SPTBN1: variants seen among roughly 807,000 people sequenced by gnomAD.
SPTBN1 encodes the protein spectrin beta chain, non-erythrocytic 1.
Under a neutral mutation model 266.4 loss-of-function variants are expected in SPTBN1, and 32 were observed. That is an observed-to-expected ratio of 0.12 (90% confidence interval 0.09 to 0.16). SPTBN1 has a LOEUF of 0.16. Ranked by LOEUF, SPTBN1 falls within the 10% of genes least tolerant of loss-of-function variation. The pLI, the probability that SPTBN1 is intolerant of heterozygous loss-of-function variation, is 1.00. For synonymous variants in SPTBN1, 1,336 were observed against 1,162.2 expected (o/e 1.15, Z -3.04); for missense variants, 2,296 against 3,067.1 (o/e 0.75, Z 5.94).
intron 32 of SPTBN1, chr2:54,660,430 C>G: frequency 9.2e-7 from 1 of 1,081,932 alleles, no homozygotes; most frequent in Non-Finnish European, 1.1e-6. Flanking sequence ...GTTATTCTAA[C>G]AGGGCACAGT....
At chr2:54,643,230 G>A in intron 19 of SPTBN1, 101 bp downstream of exon 19, 1 of 1,489,224 alleles carries the variant, frequency 6.7e-7, no homozygotes, top group Non-Finnish European at 9.0e-7. Context: ...GATCTTATCT[G>A]TACATTTACG....
chr2:54,647,803 G>A (rs140725147), intron 24 of SPTBN1, among the ~76,000 whole-genome samples: 3 of 152,278 alleles, frequency 2.0e-5, no homozygotes, highest in African/African-American at 7.2e-5. Context: ...TGTTCACACT[G>A]CTGCACTCCA....
chr2:54,584,625 G>A (rs889883730), intron 2 of SPTBN1, among the ~76,000 whole-genome samples: 1 of 152,112 alleles, frequency 6.6e-6, no homozygotes, highest in Non-Finnish European at 1.5e-5. Flanking sequence ...TGCCACCCCA[G>A]CAGAACATCT....
intron 2 of SPTBN1, among the ~76,000 whole-genome samples, chr2:54,567,681 A>AT (rs1222488689): frequency 6.6e-6 from 1 of 152,198 alleles, no homozygotes; most frequent in Admixed American, 6.5e-5. Flanking sequence ...AATGCACATG[A>AT]TACCCACCAG....
chr2:54,503,295 A>G (rs748590831), intron 1 of SPTBN1, among the ~76,000 whole-genome samples: 16 of 152,174 alleles, frequency 1.1e-4, no homozygotes, highest in Non-Finnish European at 1.8e-4. Flanking sequence ...TATGTCAGCC[A>G]GTTGCTGCCT....
rs542816851 is a variant in SPTBN1 at position 54,653,686 on chromosome 2, C to T, written c.5655C>T (p.Arg1885=). The change falls in exon 27 of 36, where the codon CGC becomes CGT. Residue 1885 remains arginine (R), a synonymous_variant. Transcript: ENST00000356805. This position sits in a 1 kb window ranked among gnomAD's most constrained non-coding sequence, Gnocchi z 5.1. The stretch of plus-strand genomic sequence containing the variant: ...ACAAGGCCGACGATATCCAGAAGCG[C>T]GAGAACGAGGTCCTGGAAGCCTGGA... The part of the protein sequence containing the change: ...AGDKADDIQK[R]ENEVLEAWKS... The T allele has an allele frequency of 6.1e-5, 99 of 1,614,142 alleles. No homozygotes were observed. The highest frequency in any genetic ancestry group is 1.8e-4 in the Admixed American group (11 of 60,020).
chr2:54,483,817 G>A (rs62140270), intron 1 of SPTBN1, among the ~76,000 whole-genome samples: 1 of 152,192 alleles, frequency 6.6e-6, no homozygotes, highest in East Asian at 1.9e-4. Context: ...CCAGGGTGAA[G>A]TTTAAGTGCC....
chr2:54,668,590 G>T lies in SPTBN1; in HGVS notation c.*21G>T. The stretch of plus-strand genomic sequence containing the variant: ...AATGAACTCCTTTCCTTCACCTCCT[G>T]CCCTTCTCTTACCTTTTCAGTGAAA... On this transcript the variant is annotated 3_prime_UTR_variant, in exon 36 of 36. Transcript: ENST00000356805. 2 of 1,583,528 alleles carry T rather than the reference G, an allele frequency of 1.3e-6. No homozygotes were observed. The highest frequency in any genetic ancestry group is 1.7e-6 in the Non-Finnish European group (2 of 1,164,058).
chr2:54,482,020 A>G lies in SPTBN1; in HGVS notation c.-48+25502A>G, dbSNP rs150450637. On this transcript the variant is annotated intron_variant, in intron 1 of 35. Transcript: ENST00000356805. ...TTTTTTGGACATGGTTTTGCTATTG[A>G]TGAGCCTGAGGTGTGGCATAGTACC... Among the ~76,000 whole-genome samples the G allele has an allele frequency of 3.2e-4, 49 of 152,198 alleles. No homozygotes were observed. The East Asian group carries it at 8.5e-3, about 26-fold the overall frequency.
rs1191809651 is a variant in SPTBN1 at position 54,619,155 on chromosome 2, A to T, written c.763+962A>T. On this transcript the variant is annotated intron_variant, in intron 7 of 35. Coordinates refer to ENST00000356805, the MANE Select transcript of SPTBN1 (RefSeq NM_003128.3). Reference sequence around the variant, plus strand: ...TTTTAAATATAGAACAGGAAGTTTAACTCCCCAAAGGCAGATCAAGGTCAT... The same window carrying T: ...TTTTAAATATAGAACAGGAAGTTTATCTCCCCAAAGGCAGATCAAGGTCAT... Among the ~76,000 whole-genome samples the T allele has an allele frequency of 2.0e-5, 3 of 152,252 alleles. No individual in the cohort carries two copies. The East Asian group carries it at 5.8e-4, about 29-fold the overall frequency.
rs1239292454 is a variant in SPTBN1, at chr2:54,558,944, G to C, written c.148+32378G>C. 6.3e-7 allele frequency: 1 copy of C among 1,575,684 alleles called. No individual in the cohort carries two copies. Among genetic ancestry groups the C allele is most frequent in the African/African-American group, 1.4e-5 (1 of 73,528 alleles). On this transcript the variant is annotated intron_variant, in intron 2 of 35. Transcript: ENST00000356805. The surrounding 1 kb of genome is among the most constrained non-coding windows in gnomAD (Gnocchi z 4.6). ...TGGGTGCCAACGGGGGTTCTTGGAGGCTTTATTTGTGACCCTAATGAAGAC... is the reference window on the plus strand; with the variant it reads ...TGGGTGCCAACGGGGGTTCTTGGAGCCTTTATTTGTGACCCTAATGAAGAC...
intron 2 of SPTBN1, among the ~76,000 whole-genome samples, chr2:54,562,522 C>CT (rs1558842904): frequency 9.2e-4 from 39 of 42,292 alleles, no homozygotes; most frequent in African/African-American, 4.9e-3. Flanking sequence ...GCTTACTTTT[C>CT]TTTTCTTTTT....
intron 2 of SPTBN1, among the ~76,000 whole-genome samples, chr2:54,594,833 C>CTTTTTTTTT (rs71408777): frequency 0.11 from 11,737 of 104,062 alleles, 1,294 homozygotes; most frequent in Non-Finnish European, 0.12. Flanking sequence ...TGGTAAGTTT[C>CTTTTTTTTT]TTTTTTTTTT....
chr2:54,591,583 A>G (rs1675685937), intron 2 of SPTBN1, among the ~76,000 whole-genome samples: 1 of 152,226 alleles, frequency 6.6e-6, no homozygotes, highest in Non-Finnish European at 1.5e-5. Context: ...GGAACAATGA[A>G]TAGGGTCTTT....
Position 54,456,424 on chromosome 2 carries a change from G to A in SPTBN1, c.-142G>A, listed in dbSNP as rs1027796564. ...CCTGTGAGCCCCGGCCCCAGCCGCG[G>A]ACAGACCCGCGGAGTCGCCTCCCGG... On this transcript the variant is annotated 5_prime_UTR_variant, in exon 1 of 36. Coordinates refer to ENST00000356805, the MANE Select transcript of SPTBN1 (RefSeq NM_003128.3). 1.3e-5 allele frequency: 2 copies of A among 152,226 alleles called. No individual in the cohort carries two copies. Among genetic ancestry groups the A allele is most frequent in the African/African-American group, 4.8e-5 (2 of 41,434 alleles). 9.4% of individuals were successfully genotyped at this position (152,226 alleles called of 1,614,324 possible).
At chr2:54,544,777 A>T (rs1377045423) in intron 2 of SPTBN1, among the ~76,000 whole-genome samples, 2 of 152,074 alleles carry the variant, frequency 1.3e-5, no homozygotes, top group Non-Finnish European at 2.9e-5. Flanking sequence ...TTATTTTTTT[A>T]TTTTTATTTT....
intron 1 of SPTBN1, among the ~76,000 whole-genome samples, chr2:54,507,590 G>GA (rs1160544721): frequency 1.3e-5 from 2 of 152,154 alleles, no homozygotes; most frequent in African/African-American, 4.8e-5. Flanking sequence ...CACAAGGTCT[G>GA]AATAAGAGAA....
intron 1 of SPTBN1, among the ~76,000 whole-genome samples, chr2:54,506,838 G>C (rs1342246011): frequency 6.6e-6 from 1 of 151,124 alleles, no homozygotes; most frequent in Admixed American, 6.6e-5. Context: ...TGGGACTAGG[G>C]GTTTCAGAAG....
At chr2:54,514,232 T>C (rs1320279775) in intron 1 of SPTBN1, among the ~76,000 whole-genome samples, 1 of 152,228 alleles carries the variant, frequency 6.6e-6, no homozygotes, top group Non-Finnish European at 1.5e-5. Flanking sequence ...TACTGTATAA[T>C]AATGATAATA....
Sources: gnomAD v4.1 joint callset for allele counts (sites outside exome capture counted in the v4.1 genomes callset) on GRCh38, gnomAD v4.1.1 for gene constraint, Gnocchi (gnomAD v3.1) non-coding constraint, MANE v1.5 for transcripts, NCBI Gene and HGNC (gene_info 2026-07-23, HGNC 2026-07-21) for gene names.